ZBTB38: variants seen among roughly 807,000 people sequenced by gnomAD.
The protein encoded by ZBTB38 is zinc finger and BTB domain-containing protein 38.
In ZBTB38, 20 loss-of-function variants were observed where a neutral mutation model predicts 76.8. The observed-to-expected ratio is 0.26, with a 90% CI of 0.18 to 0.38. The LOEUF (loss-of-function observed/expected upper bound fraction) is 0.38, where lower values mean the gene tolerates loss of function less well. Ranked by LOEUF, ZBTB38 falls within the 10% of genes least tolerant of loss-of-function variation. The pLI, the probability that ZBTB38 is intolerant of heterozygous loss-of-function variation, is 1.00. For synonymous variants in ZBTB38, 504 were observed against 544.2 expected, an observed-to-expected ratio of 0.93 and a Z score of 1.03; for missense variants, 1,082 against 1,482.3, an observed-to-expected ratio of 0.73 and a Z score of 4.43.
upstream of ZBTB38, chr3:141,366,302 T>C (rs1559922127): frequency 1.3e-5 from 2 of 152,236 alleles, no homozygotes; most frequent in South Asian, 2.1e-4. Flanking sequence ...AATAAATACC[T>C]GTGTATATGA....
intron 1 of ZBTB38, among the ~76,000 whole-genome samples, chr3:141,361,496 C>T (rs995539685): frequency 6.6e-6 from 1 of 152,186 alleles, no homozygotes; most frequent in Non-Finnish European, 1.5e-5. Context: ...TAAGGTCACA[C>T]AGTATGTTAA....
At chr3:141,349,011 G>A (rs1943443853) in intron 1 of ZBTB38, among the ~76,000 whole-genome samples, 3 of 152,136 alleles carry the variant, frequency 2.0e-5, no homozygotes, top group Non-Finnish European at 2.9e-5. Flanking sequence ...TAAGAGACTA[G>A]GCAACTCATA....
chr3:141,423,102 C>T (rs768544691), intron 5 of ZBTB38, among the ~76,000 whole-genome samples: 10 of 152,134 alleles, frequency 6.6e-5, no homozygotes, highest in Non-Finnish European at 1.3e-4. Flanking sequence ...CAGCTCCTGA[C>T]GATACGGCCT....
intron 5 of ZBTB38, among the ~76,000 whole-genome samples, chr3:141,409,605 A>G (rs919841483): frequency 2.6e-5 from 4 of 152,214 alleles, no homozygotes; most frequent in Non-Finnish European, 1.5e-5. Flanking sequence ...ACTACGTGCC[A>G]GGTAGGAGAT....
intron 4 of ZBTB38, among the ~76,000 whole-genome samples, chr3:141,390,685 G>A (rs1457274369): frequency 6.6e-6 from 1 of 152,158 alleles, no homozygotes; most frequent in African/African-American, 2.4e-5. Flanking sequence ...TCCTTTCCAA[G>A]GGAAATCCTG....
chr3:141,412,047 G>A (rs1956833596), intron 5 of ZBTB38, among the ~76,000 whole-genome samples: 3 of 152,000 alleles, frequency 2.0e-5, no homozygotes, highest in African/African-American at 4.8e-5. Flanking sequence ...TTCCTTTTAT[G>A]AAGTTTAAAT....
At position 141,368,603 on chromosome 3, in the gene ZBTB38, TTTC is replaced by T. The variant is rs796424849; in HGVS notation, c.-505_-503del. 7.2e-5 allele frequency: 11 copies of T among 152,314 alleles called. No individual in the cohort carries two copies. The highest frequency in any genetic ancestry group is 2.6e-4 in the African/African-American group (11 of 41,570). 9.4% of individuals were successfully genotyped at this position (152,314 alleles called of 1,614,324 possible). A position where few individuals can be genotyped will look rare whatever the true frequency, so the allele number is the denominator to read the frequency against. ...TCCCTATAGCACACCTTTTATTTCT[TTTC>T]TTCTTTTTTTTAAGCCTCACGAAAG... On this transcript the variant is annotated 5_prime_UTR_variant, in exon 1 of 6. Coordinates refer to ENST00000321464, the MANE Select transcript of ZBTB38 (RefSeq NM_001376113.1).
chr3:141,427,145 G>T (rs1559953449), intron 5 of ZBTB38, among the ~76,000 whole-genome samples: 1 of 152,088 alleles, frequency 6.6e-6, no homozygotes, highest in Non-Finnish European at 1.5e-5. Context: ...TTAGTTTTGG[G>T]TGCTTTCTGT....
chr3:141,417,922 G>T (rs1376472931), intron 5 of ZBTB38, among the ~76,000 whole-genome samples: 2 of 152,148 alleles, frequency 1.3e-5, no homozygotes, highest in African/African-American at 4.8e-5. Context: ...GCTGAGGCAG[G>T]AGAATCATTT....
intron 5 of ZBTB38, among the ~76,000 whole-genome samples, chr3:141,438,631 A>T (rs1270796229): frequency 6.6e-6 from 1 of 152,130 alleles, no homozygotes; most frequent in Non-Finnish European, 1.5e-5. Flanking sequence ...GTGATGGCCT[A>T]TTGGTCTCCT....
At chr3:141,359,396 C>T (rs1200817658) in intron 1 of ZBTB38, among the ~76,000 whole-genome samples, 2 of 152,164 alleles carry the variant, frequency 1.3e-5, no homozygotes, top group Non-Finnish European at 2.9e-5. Flanking sequence ...GCCTTAGTTG[C>T]GAGGTAGGCT....
upstream of ZBTB38, among the ~76,000 whole-genome samples, chr3:141,364,356 A>G (rs1301657677): frequency 6.6e-6 from 1 of 151,852 alleles, no homozygotes; most frequent in Non-Finnish European, 1.5e-5. Context: ...TGTCTGGGAT[A>G]TATAAAGAAT....
At chr3:141,390,080 A>G (rs1553765465) in intron 4 of ZBTB38, 1 of 152,244 alleles carries the variant, frequency 6.6e-6, no homozygotes, top group Non-Finnish European at 1.5e-5. Context: ...CAGTGAATAG[A>G]ATAATAATTA....
rs768751142 is a variant in ZBTB38, at chr3:141,443,700, T to C, written c.1312T>C (p.Ser438Pro). The change falls in exon 6 of 6, where the codon TCC becomes CCC. Residue 438 changes from serine (S) to proline (P), a missense_variant. Physicochemically the swap from Ser to Pro is moderately conservative, Grantham distance 74. Transcript: ENST00000321464. This position sits in a 1 kb window ranked among gnomAD's most constrained non-coding sequence, Gnocchi z 5.6. ...LLSENRIGEF[S>P]STGSTLPDTD... is the part of the protein sequence containing the mutation. ...ATCTGAAAATAGGATTGGTGAATTT[T>C]CCAGTACCGGAAGTACTTTGCCAGA... 2 of 1,614,086 alleles carry C rather than the reference T, an allele frequency of 1.2e-6. No homozygotes were observed. Among genetic ancestry groups the C allele is most frequent in the Admixed American group, 3.3e-5 (2 of 60,032 alleles).
rs753851728 is a variant in ZBTB38, at chr3:141,444,095, G to A, written c.1707G>A (p.Leu569=). The A allele has an allele frequency of 1.2e-6, 2 of 1,613,868 alleles. No homozygotes were observed. Among genetic ancestry groups the A allele is most frequent in the Admixed American group, 1.7e-5 (1 of 59,950 alleles). ...ATCCGTATAAACTTTATAGGCTACT[G>A]CCTATGAAATGCAAGAGAGCCCCTT... ...SVYPYKLYRL[L]PMKCKRAPYK... is the part of the protein sequence containing the mutation. Residue 569 remains leucine, a synonymous_variant, in exon 6 of 6, where the codon CTG becomes CTA. Transcript: ENST00000321464. This position sits in a 1 kb window ranked among gnomAD's most constrained non-coding sequence, Gnocchi z 5.1.
rs1324214707 is a variant in ZBTB38 at position 141,340,985 on chromosome 3, A to AG, written c.-739+16530dup. On this transcript the variant is annotated intron_variant, in intron 1 of 7. Coordinates refer to the ZBTB38 transcript ENST00000509842. The stretch of plus-strand genomic sequence containing the variant: ...AAGAAAGAAAGAAAGAAAGAAAGAA[A>AG]GAAAGAGAAAGAAGAAAGAAAGAAA... 3.4e-5 allele frequency among the ~76,000 whole-genome samples: 5 copies of AG among 145,756 alleles called. No homozygotes were observed. In the East Asian group the frequency reaches 9.7e-4, roughly 28 times the overall value.
chr3:141,417,476 G>A (rs982360670), intron 5 of ZBTB38, among the ~76,000 whole-genome samples: 3 of 152,150 alleles, frequency 2.0e-5, no homozygotes, highest in Non-Finnish European at 2.9e-5. Flanking sequence ...GAACAGGCAC[G>A]TCAGTCATTC....
Position 141,446,010 on chromosome 3 carries a change from G to A in ZBTB38, c.*34G>A. 6.6e-7 allele frequency: 1 copy of A among 1,506,856 alleles called. No homozygotes were observed. Among genetic ancestry groups the A allele is most frequent in the Non-Finnish European group, 8.8e-7 (1 of 1,130,774 alleles). The allele number at this position is 1,506,856 out of a possible 1,614,324, so 93.3% of individuals were successfully genotyped here. ...AATTAGAAAAATCTTCAAAAATATAGTTGGTGGTTTTTTTAGTTATGATTT... is the reference window on the plus strand; with the variant it reads ...AATTAGAAAAATCTTCAAAAATATAATTGGTGGTTTTTTTAGTTATGATTT... On this transcript the variant is annotated 3_prime_UTR_variant, in exon 6 of 6. Transcript: ENST00000321464.
chr3:141,331,340 A>T (rs1942845025), intron 1 of ZBTB38, among the ~76,000 whole-genome samples: 5 of 152,362 alleles, frequency 3.3e-5, no homozygotes, highest in Admixed American at 3.3e-4. Context: ...ACTACTGGAC[A>T]AATTCAGGCT....
Sources: gnomAD v4.1 joint callset for allele counts (sites outside exome capture counted in the v4.1 genomes callset) on GRCh38, gnomAD v4.1.1 for gene constraint, Gnocchi (gnomAD v3.1) non-coding constraint, MANE v1.5 for transcripts, NCBI Gene and HGNC (gene_info 2026-07-23, HGNC 2026-07-21) for gene names.